VNN1: variants seen among roughly 807,000 people sequenced by gnomAD.
VNN1 encodes vanin 1, also known as pantetheinase.
VNN1 carries 29 observed loss-of-function variants against 41.9 expected under a neutral mutation model. The observed-to-expected ratio is 0.69, with a 90% CI of 0.52 to 0.94. VNN1 has a LOEUF of 0.94. Ranked by LOEUF, VNN1 falls within the 40% of genes least tolerant of loss-of-function variation. The pLI, the probability that VNN1 is intolerant of heterozygous loss-of-function variation, is 0.00. For missense variants in VNN1, 637 were observed against 621.1 expected (o/e 1.03, Z -0.27); for synonymous variants, 233 against 224.4 (o/e 1.04, Z -0.34).
intron 2 of VNN1, among the ~76,000 whole-genome samples, chr6:132,706,624 G>A (rs573171502): frequency 3.6e-4 from 54 of 152,050 alleles, no homozygotes; most frequent in Non-Finnish European, 3.5e-4. Context: ...ATACCCCACA[G>A]GCACAGGCAA....
chr6:132,700,446 C>T (rs950085028), intron 2 of VNN1, among the ~76,000 whole-genome samples: 37 of 152,202 alleles, frequency 2.4e-4, no homozygotes, highest in Non-Finnish European at 4.1e-4. Flanking sequence ...GCCACCACTA[C>T]CCCTGGCCTG....
chr6:132,686,592 C>T (rs1043473544), intron 5 of VNN1, among the ~76,000 whole-genome samples: 1 of 152,186 alleles, frequency 6.6e-6, no homozygotes, highest in Non-Finnish European at 1.5e-5. Flanking sequence ...TCTCCAAAGA[C>T]ACTTACCTCC....
intron 4 of VNN1, 86 bp from the exon 5 acceptor site, chr6:132,692,670 T>G: frequency 1.4e-6 from 2 of 1,453,732 alleles, no homozygotes; most frequent in South Asian, 1.4e-5. Flanking sequence ...AACCTCATAT[T>G]CACATTTTAC....
intron 2 of VNN1, among the ~76,000 whole-genome samples, chr6:132,697,547 G>A (rs963809573): frequency 7.9e-5 from 12 of 151,634 alleles, no homozygotes; most frequent in African/African-American, 2.9e-4. Flanking sequence ...TTAACATATT[G>A]CTATATTTAT....
chr6:132,687,129 A>C (rs913788281), intron 5 of VNN1, among the ~76,000 whole-genome samples: 2 of 152,216 alleles, frequency 1.3e-5, no homozygotes, highest in Non-Finnish European at 2.9e-5. Flanking sequence ...TTCTGCATGC[A>C]TTCTGGGGAA....
At position 132,692,356 on chromosome 6, in the gene VNN1, C is replaced by T. The variant is rs2114344406; in HGVS notation, c.1055G>A (p.Gly352Glu). 2 of 1,614,156 alleles carry T rather than the reference C, an allele frequency of 1.2e-6. No individual in the cohort carries two copies. The highest frequency in any genetic ancestry group is 4.5e-5 in the East Asian group (2 of 44,868). The change falls in exon 5 of 7, where the codon GGA becomes GAA. Residue 352 changes from glycine (G) to glutamate (E), a missense_variant. Gly to Glu is a moderately conservative substitution (Grantham distance 98, BLOSUM62 -2). Coordinates refer to ENST00000367928, the MANE Select transcript of VNN1 (RefSeq NM_004666.3). ...ATCTTTCTGACAAACTGTATAATTT[C>T]CTGCAACTCCTGTGAGCTTCACAAA... Reference protein sequence around the residue: ...FTFVKLTGVAGNYTVCQKDLC... With the variant: ...FTFVKLTGVAENYTVCQKDLC...
intron 1 of VNN1, among the ~76,000 whole-genome samples, chr6:132,712,944 G>T (rs1234444220): frequency 6.6e-6 from 1 of 152,158 alleles, no homozygotes. Context: ...AGTACAGCGT[G>T]GGCAACATGG....
intron 5 of VNN1, among the ~76,000 whole-genome samples, chr6:132,684,756 C>T (rs375278631): frequency 3.0e-4 from 45 of 152,144 alleles, no homozygotes; most frequent in Admixed American, 1.4e-3. Context: ...CTGAAATACT[C>T]TCTTGATCTA....
At chr6:132,697,893 A>G (rs1332700310) in intron 2 of VNN1, among the ~76,000 whole-genome samples, 1 of 152,212 alleles carries the variant, frequency 6.6e-6, no homozygotes, top group Non-Finnish European at 1.5e-5. Flanking sequence ...CACTTGAAAC[A>G]TGTTTACCCC....
At chr6:132,705,231 A>G (rs1262501132) in intron 2 of VNN1, among the ~76,000 whole-genome samples, 2 of 152,108 alleles carry the variant, frequency 1.3e-5, no homozygotes, top group Admixed American at 6.5e-5. Flanking sequence ...AAAGAAAACT[A>G]CAGCCCAACA....
intron 2 of VNN1, among the ~76,000 whole-genome samples, chr6:132,696,229 A>G (rs910678495): frequency 2.6e-5 from 4 of 152,228 alleles, no homozygotes; most frequent in African/African-American, 9.6e-5. Context: ...CAATTCAGGC[A>G]TGTAGAAAAA....
At chr6:132,707,226 CAA>C (rs61642987) in intron 2 of VNN1, among the ~76,000 whole-genome samples, 10 of 137,526 alleles carry the variant, frequency 7.3e-5, no homozygotes, top group Non-Finnish European at 7.8e-5. Flanking sequence ...GGCTCTGTCT[CAA>C]AAAAAAAAAA....
intron 1 of VNN1, 30 bp downstream of exon 1, chr6:132,713,796 A>T: frequency 6.2e-7 from 1 of 1,610,000 alleles, no homozygotes; most frequent in East Asian, 2.2e-5. Flanking sequence ...CATAGAATCC[A>T]GTACACTGGA....
intron 2 of VNN1, among the ~76,000 whole-genome samples, chr6:132,697,839 A>G (rs1000999107): frequency 6.6e-6 from 1 of 152,224 alleles, no homozygotes; most frequent in Non-Finnish European, 1.5e-5. Context: ...CTTTGCTTCA[A>G]TTGATATCTG....
chr6:132,713,603 A>G (rs1778633086), intron 1 of VNN1, among the ~76,000 whole-genome samples: 2 of 152,214 alleles, frequency 1.3e-5, no homozygotes, highest in African/African-American at 4.8e-5. Context: ...GCTTCTTGAT[A>G]ATGAGCAAAT....
intron 1 of VNN1, among the ~76,000 whole-genome samples, chr6:132,712,679 G>A (rs143531049): frequency 1.8e-4 from 27 of 152,230 alleles, no homozygotes; most frequent in African/African-American, 6.5e-4. Context: ...CCACAAACTG[G>A]TTACTTGAAC....
Position 132,709,750 on chromosome 6 carries a change from C to G in VNN1, c.341+1959G>C, listed in dbSNP as rs990847584. Among the ~76,000 whole-genome samples, 18 of 151,958 alleles carry G rather than the reference C, an allele frequency of 1.2e-4. No individual in the cohort carries two copies. The East Asian group carries it at 2.3e-3, about 20-fold the overall frequency. ...TTGATGGAAAACATAAATGGGCAACCGTGTTCCTTGAAATGAAGTGAATGG... is the reference window on the plus strand; with the variant it reads ...TTGATGGAAAACATAAATGGGCAACGGTGTTCCTTGAAATGAAGTGAATGG... On this transcript the variant is annotated intron_variant, in intron 2 of 6. Transcript: ENST00000367928.
rs1307835655 is a variant in VNN1 at position 132,692,543 on chromosome 6, A to G, written c.868T>C (p.Tyr290His). 1 of 1,604,462 alleles carries G rather than the reference A, an allele frequency of 6.2e-7. No homozygotes were observed. Among genetic ancestry groups the G allele is most frequent in the Non-Finnish European group, 8.5e-7 (1 of 1,178,520 alleles). Reference protein sequence around the residue: ...YAPNSSRAFHYDMKTEEGKLL... With the variant: ...YAPNSSRAFHHDMKTEEGKLL... Reference sequence around the variant, plus strand: ...TTTCCCTCTTCTGTCTTCATATCATAATGAAATGCTCTTGAAGAATTGGGT... The same window carrying G: ...TTTCCCTCTTCTGTCTTCATATCATGATGAAATGCTCTTGAAGAATTGGGT... Residue 290 changes from tyrosine to histidine, a missense_variant, in exon 5 of 7, where the codon TAT becomes CAT. Coordinates refer to ENST00000367928, the MANE Select transcript of VNN1 (RefSeq NM_004666.3).
At chr6:132,693,557 C>G (rs1025362731) in intron 3 of VNN1, among the ~76,000 whole-genome samples, 1 of 152,164 alleles carries the variant, frequency 6.6e-6, no homozygotes, top group Non-Finnish European at 1.5e-5. Flanking sequence ...CCACTGGAAT[C>G]TTATAAGACA....
Sources: allele counts gnomAD v4.1 joint callset (sites outside exome capture counted in the v4.1 genomes callset), GRCh38; gene constraint gnomAD v4.1.1; transcripts MANE v1.5; gene names NCBI Gene and HGNC (gene_info 2026-07-23, HGNC 2026-07-21).